The following RANBP17 variants were observed in gnomAD, a reference collection of about 807,000 sequenced individuals.
RANBP17 encodes ran-binding protein 17.
In RANBP17, 158 loss-of-function variants were observed where a neutral mutation model predicts 141.2. That is an observed-to-expected ratio of 1.12 (90% CI 0.98 to 1.28). The LOEUF (loss-of-function observed/expected upper bound fraction) is 1.28. RANBP17 is among the 50% of genes most tolerant of loss of function. The pLI is 0.00. For missense variants in RANBP17, 1,438 were observed against 1,290.7 expected, an observed-to-expected ratio of 1.11 and a Z score of -1.75; for synonymous variants, 430 against 450.0, an observed-to-expected ratio of 0.96 and a Z score of 0.56.
At position 171,274,145 on chromosome 5, in the gene RANBP17, T is replaced by C. The variant is rs868282122; in HGVS notation, c.2943+8298T>C. Reference sequence around the variant, plus strand: ...GTGTGTGTGTGTGTGTGTGTGTGTGTGTGTGCGCGCGCGCGCGCGTGCGCA... The same window carrying C: ...GTGTGTGTGTGTGTGTGTGTGTGTGCGTGTGCGCGCGCGCGCGCGTGCGCA... On this transcript the variant is annotated intron_variant, in intron 25 of 27. Transcript: ENST00000523189. Among the ~76,000 whole-genome samples the C allele has an allele frequency of 1.3e-3, 164 of 129,684 alleles. No individual in the cohort carries two copies. The South Asian group carries it at 0.014, about 11-fold the overall frequency. The allele number at this position is 129,684 out of a possible 152,430, so 85.1% of individuals were successfully genotyped here.
In RANBP17 at chr5:171,149,332, A is replaced by G. The variant is rs112347339; in HGVS notation, c.1711-20798A>G. ...ATATATATTTTCTCCCCAAAATCCC[A>G]TATCACACAAATAAAAATATCTAAA... On this transcript the variant is annotated intron_variant, in intron 14 of 27. Transcript: ENST00000523189. Among the ~76,000 whole-genome samples the G allele has an allele frequency of 9.4e-3, 1,434 of 152,336 alleles. 24 individuals carry two copies. Among genetic ancestry groups the G allele is most frequent in the African/African-American group, 0.033 (1,370 of 41,578 alleles).
chr5:171,115,636 C>T (rs1029624719), intron 14 of RANBP17, among the ~76,000 whole-genome samples: 1 of 152,156 alleles, frequency 6.6e-6, no homozygotes, highest in Non-Finnish European at 1.5e-5. Context: ...GCTAGGAATG[C>T]TTTGTAGGTC....
chr5:171,223,432 G>A (rs942455320), intron 22 of RANBP17, among the ~76,000 whole-genome samples: 2 of 152,112 alleles, frequency 1.3e-5, no homozygotes, highest in South Asian at 4.2e-4. Flanking sequence ...CCAGGAGTTC[G>A]AGACCATCCT....
intron 27 of RANBP17, among the ~76,000 whole-genome samples, chr5:171,297,111 G>A (rs187742108): frequency 2.0e-5 from 3 of 152,258 alleles, no homozygotes; most frequent in East Asian, 3.9e-4. Context: ...ATGACCTACA[G>A]TATTAGTTTC....
intron 12 of RANBP17, among the ~76,000 whole-genome samples, chr5:170,934,114 T>C (rs1218839014): frequency 2.6e-5 from 4 of 152,226 alleles, no homozygotes; most frequent in Non-Finnish European, 4.4e-5. Flanking sequence ...TGGGTGCATA[T>C]ATATTTAGGA....
intron 14 of RANBP17, among the ~76,000 whole-genome samples, chr5:171,077,533 A>G (rs548893465): frequency 6.6e-6 from 1 of 152,306 alleles, no homozygotes; most frequent in African/African-American, 2.4e-5. Context: ...AAGACACCAT[A>G]AGCTAAGTTA....
chr5:171,117,279 A>G (rs1581671659), intron 14 of RANBP17, among the ~76,000 whole-genome samples: 1 of 152,298 alleles, frequency 6.6e-6, no homozygotes, highest in East Asian at 1.9e-4. Flanking sequence ...ATACTGTCAC[A>G]TTCCCACCAA....
chr5:171,019,391 C>CT (rs987791546), intron 14 of RANBP17, among the ~76,000 whole-genome samples: 118 of 150,752 alleles, frequency 7.8e-4, no homozygotes, highest in African/African-American at 2.4e-3. Context: ...TGGTTCTGGG[C>CT]TTTTTTTTTG....
chr5:171,265,842 C>T lies in RANBP17; in HGVS notation c.2938C>T (p.Gln980Ter). 1 of 1,612,324 alleles carries T rather than the reference C, an allele frequency of 6.2e-7. No individual in the cohort carries two copies. Among genetic ancestry groups the T allele is most frequent in the East Asian group, 2.2e-5 (1 of 44,866 alleles). ...HFMQQNPDVL[Q>*]QMMSVLMNTI... is the part of the protein sequence containing the mutation. ...TATGCAGCAAAACCCAGATGTCCTG[C>T]AGCAGGTAACTGGTGGTTGATCACC... The change falls in exon 25 of 28, where the codon CAG becomes TAG. Residue 980 changes from glutamine (Q) to a stop codon, truncating the protein, a stop_gained. Coordinates refer to ENST00000523189, the MANE Select transcript of RANBP17 (RefSeq NM_022897.5). LOFTEE classifies it high-confidence loss of function.
intron 25 of RANBP17, among the ~76,000 whole-genome samples, chr5:171,274,160 G>T (rs934432680): frequency 7.1e-6 from 1 of 141,760 alleles, no homozygotes; most frequent in Non-Finnish European, 1.6e-5. Flanking sequence ...GCGCGCGCGC[G>T]CGCGTGCGCA....
chr5:170,917,583 A>G (rs905897375), intron 9 of RANBP17, among the ~76,000 whole-genome samples: 4 of 152,190 alleles, frequency 2.6e-5, no homozygotes, highest in Non-Finnish European at 4.4e-5. Flanking sequence ...TGTTCTACAA[A>G]AAGCAATTGT....
chr5:170,904,901 C>T (rs1770952735), intron 5 of RANBP17, among the ~76,000 whole-genome samples: 1 of 152,024 alleles, frequency 6.6e-6, no homozygotes, highest in Admixed American at 6.6e-5. Context: ...CTGTGTAATA[C>T]CACTAACTAT....
chr5:171,178,685 G>T (rs1168830364), intron 16 of RANBP17, among the ~76,000 whole-genome samples: 2 of 152,132 alleles, frequency 1.3e-5, no homozygotes, highest in Non-Finnish European at 2.9e-5. Context: ...AGCATCTGTT[G>T]TTTCCTGACT....
At chr5:171,025,841 G>A (rs1453272202) in intron 14 of RANBP17, among the ~76,000 whole-genome samples, 3 of 151,944 alleles carry the variant, frequency 2.0e-5, no homozygotes, top group Non-Finnish European at 4.4e-5. Context: ...TCCTGCCTCG[G>A]TCTCCCAATG....
intron 22 of RANBP17, among the ~76,000 whole-genome samples, chr5:171,224,598 A>G (rs1165392882): frequency 2.0e-5 from 3 of 152,206 alleles, no homozygotes; most frequent in Non-Finnish European, 4.4e-5. Flanking sequence ...AAGTTGAGAA[A>G]AATAACTATG....
At position 171,015,286 on chromosome 5, in the gene RANBP17, C is replaced by T. The variant is rs182322551; in HGVS notation, c.1710+46909C>T. Among the ~76,000 whole-genome samples, 237 of 152,172 alleles carry T rather than the reference C, an allele frequency of 1.6e-3. 1 individual carries two copies. Among genetic ancestry groups the T allele is most frequent in the African/African-American group, 4.7e-3 (196 of 41,554 alleles). On this transcript the variant is annotated intron_variant, in intron 14 of 27. Coordinates refer to ENST00000523189, the MANE Select transcript of RANBP17 (RefSeq NM_022897.5). The stretch of plus-strand genomic sequence containing the variant: ...TTCACTTTCTTGAAGACTGCAGTTA[C>T]GCATTTATTAGACCACTTGATGTTG...
chr5:171,006,517 G>A (rs539502228), intron 14 of RANBP17, among the ~76,000 whole-genome samples: 47 of 152,112 alleles, frequency 3.1e-4, no homozygotes, highest in African/African-American at 8.2e-4. Context: ...AACACTCCAC[G>A]TTCTCACTCA....
chr5:170,955,785 A>C (rs1350126834), intron 13 of RANBP17, among the ~76,000 whole-genome samples: 2 of 146,846 alleles, frequency 1.4e-5, no homozygotes, highest in Non-Finnish European at 3.0e-5. Context: ...GTAATTTATA[A>C]TAACAAAAAT....
In RANBP17 at chr5:171,061,656, A is replaced by T. The variant is rs1345175057; in HGVS notation, c.1710+93279A>T. Among the ~76,000 whole-genome samples, 5 of 151,960 alleles carry T rather than the reference A, an allele frequency of 3.3e-5. No individual in the cohort carries two copies. The South Asian group carries it at 8.3e-4, about 25-fold the overall frequency. ...TATATTCTGTTGATTTGGGGTGGAG[A>T]GTTCTGTAGGTGTCTATTAGGTCCG... On this transcript the variant is annotated intron_variant, in intron 14 of 27. Coordinates refer to ENST00000523189, the MANE Select transcript of RANBP17 (RefSeq NM_022897.5).
Sources: gnomAD v4.1 joint callset for allele counts (sites outside exome capture counted in the v4.1 genomes callset) on GRCh38, gnomAD v4.1.1 for gene constraint, MANE v1.5 for transcripts, NCBI Gene and HGNC (gene_info 2026-07-23, HGNC 2026-07-21) for gene names.